HDAC9: variants seen among roughly 807,000 people sequenced by gnomAD.
HDAC9 encodes histone deacetylase 9, also known as MEF-2 interacting transcription repressor (MITR) protein.
HDAC9 carries 41 observed loss-of-function variants against 139.4 expected under a neutral mutation model. That is an observed-to-expected ratio of 0.29 (90% confidence interval 0.23 to 0.38). The LOEUF is 0.38. Among genes scored for constraint, HDAC9 ranks in the 10% least tolerant of loss-of-function variants. The pLI, the probability that HDAC9 is intolerant of heterozygous loss-of-function variation, is 1.00. For missense variants in HDAC9, 1,147 were observed against 1,297.0 expected (o/e 0.88, Z 1.78); for synonymous variants, 517 against 476.2 (o/e 1.09, Z -1.12).
chr7:18,585,304 G>A lies in HDAC9; in HGVS notation c.46G>A (p.Val16Met), dbSNP rs369034418. ...SSVDVKSEVP[V>M]GLEPISPLDL... ...AGTGGATGTGAAGTCAGAAGTTCCT[G>A]TGGGCCTGGAGCCCATCTCACCTTT... The change falls in exon 3 of 26, where the codon GTG becomes ATG. Residue 16 changes from valine (V) to methionine (M), a missense_variant. Around this residue, in one of 7 missense-constraint regions of HDAC9, gnomAD observed 136 missense variants for 183.5 expected, o/e 0.74. Coordinates refer to ENST00000686413, the MANE Select transcript of HDAC9 (RefSeq NM_178425.4). 6.2e-7 allele frequency: 1 copy of A among 1,604,790 alleles called. No individual in the cohort carries two copies. The highest frequency in any genetic ancestry group is 8.5e-7 in the Non-Finnish European group (1 of 1,175,852).
chr7:18,431,567 C>T (rs957526783), intron 1 of HDAC9, among the ~76,000 whole-genome samples: 2 of 152,058 alleles, frequency 1.3e-5, no homozygotes, highest in Non-Finnish European at 2.9e-5. Flanking sequence ...AAGGAATAGC[C>T]AAATAAGATA....
At chr7:18,153,822 G>T (rs1418028856) in intron 1 of HDAC9, among the ~76,000 whole-genome samples, 2 of 152,110 alleles carry the variant, frequency 1.3e-5, no homozygotes, top group Non-Finnish European at 2.9e-5. Flanking sequence ...AATGGCCCTG[G>T]TGACTTAAGA....
At chr7:18,668,063 T>C (rs984988461) in intron 12 of HDAC9, 2 of 976,106 alleles carry the variant, frequency 2.0e-6, no homozygotes, top group Non-Finnish European at 1.2e-6. Context: ...ATTGTTCAAC[T>C]GTATGTTATT....
At chr7:18,372,507 A>G (rs1206275464) in intron 1 of HDAC9, among the ~76,000 whole-genome samples, 1 of 152,104 alleles carries the variant, frequency 6.6e-6, no homozygotes. Flanking sequence ...GAAGACTATG[A>G]CCCTTTAAAG....
rs193086500 is a variant in HDAC9, at chr7:18,440,084, G to C, written c.-41-56178G>C. ...TCACTTCATCATGGAGACTGTAAGA[G>C]AAATTCCTGTATGGTATAAATATAA... On this transcript the variant is annotated intron_variant, in intron 1 of 3. Transcript: ENST00000413509. Among the ~76,000 whole-genome samples, 4 of 152,072 alleles carry C rather than the reference G, an allele frequency of 2.6e-5. No individual in the cohort carries two copies. In the East Asian group the frequency reaches 7.7e-4, roughly 29 times the overall value.
intron 1 of HDAC9, among the ~76,000 whole-genome samples, chr7:18,150,031 A>G (rs1436526325): frequency 1.3e-5 from 2 of 149,108 alleles, no homozygotes; most frequent in East Asian, 3.9e-4. Flanking sequence ...GGTTATTTGC[A>G]TTCCCATATT....
intron 2 of HDAC9, among the ~76,000 whole-genome samples, chr7:18,547,859 C>CCTT (rs1563230176): frequency 8.4e-4 from 101 of 119,668 alleles, no homozygotes; most frequent in East Asian, 1.7e-3. Flanking sequence ...TTCCTTCCTA[C>CCTT]CCTCCCTCCC....
intron 6 of HDAC9, among the ~76,000 whole-genome samples, chr7:18,611,411 G>A (rs993426158): frequency 2.0e-5 from 3 of 152,014 alleles, no homozygotes; most frequent in Admixed American, 2.0e-4. Context: ...GTGACTATGT[G>A]CTAGATCCAT....
At chr7:18,923,928 C>G (rs561778644) in intron 22 of HDAC9, among the ~76,000 whole-genome samples, 10 of 151,810 alleles carry the variant, frequency 6.6e-5, no homozygotes, top group Admixed American at 1.3e-4. Flanking sequence ...TCTTTATTTT[C>G]TTTTAATGAT....
chr7:18,362,109 C>T (rs1192886640), intron 1 of HDAC9, among the ~76,000 whole-genome samples: 3 of 152,220 alleles, frequency 2.0e-5, no homozygotes, highest in East Asian at 1.9e-4. Flanking sequence ...TAGCTCTCCT[C>T]ACTGATTATG....
intron 17 of HDAC9, among the ~76,000 whole-genome samples, chr7:18,795,929 A>G (rs908422153): frequency 6.6e-6 from 1 of 152,230 alleles, no homozygotes; most frequent in Non-Finnish European, 1.5e-5. Context: ...GGAAGAAAAT[A>G]GGGAAGCTTA....
chr7:18,165,678 T>C (rs1787960040), intron 2 of HDAC9, among the ~76,000 whole-genome samples: 1 of 151,748 alleles, frequency 6.6e-6, no homozygotes, highest in African/African-American at 2.4e-5. Flanking sequence ...TAGTCCCTGC[T>C]ACTTAGGAAG....
chr7:18,952,569 T>C (rs2129323229), intron 23 of HDAC9, among the ~76,000 whole-genome samples: 1 of 152,130 alleles, frequency 6.6e-6, no homozygotes, highest in Non-Finnish European at 1.5e-5. Context: ...TTATTTTCTC[T>C]AAGCTCCAAG....
At chr7:18,547,742 C>T (rs1012577948) in intron 2 of HDAC9, among the ~76,000 whole-genome samples, 1 of 152,050 alleles carries the variant, frequency 6.6e-6, no homozygotes, top group Non-Finnish European at 1.5e-5. Flanking sequence ...ATTCTGAATC[C>T]TTTGTCATCA....
At chr7:18,863,967 C>T (rs527357699) in intron 21 of HDAC9, among the ~76,000 whole-genome samples, 3 of 152,228 alleles carry the variant, frequency 2.0e-5, no homozygotes, top group Non-Finnish European at 2.9e-5. Context: ...ATTCTGATTT[C>T]GATTCTTTTG....
At chr7:18,951,401 A>G (rs568605283) in intron 23 of HDAC9, among the ~76,000 whole-genome samples, 10 of 152,062 alleles carry the variant, frequency 6.6e-5, no homozygotes, top group South Asian at 2.1e-4. Flanking sequence ...TTTAGATACA[A>G]TTAAGCTGGA....
chr7:18,396,174 C>T (rs935720896), intron 1 of HDAC9, among the ~76,000 whole-genome samples: 37 of 128,098 alleles, frequency 2.9e-4, no homozygotes, highest in Middle Eastern at 5.3e-3. Flanking sequence ...TTCCTTTCTT[C>T]TACAAATATT....
At chr7:18,358,114 C>T (rs1296297558) in intron 1 of HDAC9, among the ~76,000 whole-genome samples, 6 of 152,020 alleles carry the variant, frequency 3.9e-5, no homozygotes, top group Non-Finnish European at 8.8e-5. Context: ...ACTTGAACCC[C>T]GGAGGCAGAG....
intron 1 of HDAC9, among the ~76,000 whole-genome samples, chr7:18,156,176 T>C (rs1011537955): frequency 1.3e-5 from 2 of 152,154 alleles, no homozygotes; most frequent in African/African-American, 4.8e-5. Flanking sequence ...TTATAGAGCT[T>C]GTCTAATAAA....
Sources: allele counts gnomAD v4.1 joint callset (sites outside exome capture counted in the v4.1 genomes callset), GRCh38; gene constraint gnomAD v4.1.1; regional missense constraint gnomAD v4.1.1; transcripts MANE v1.5; gene names NCBI Gene and HGNC (gene_info 2026-07-23, HGNC 2026-07-21).